ADAM9: variants seen among roughly 807,000 people sequenced by gnomAD.
ADAM9 encodes the protein ADAM metallopeptidase domain 9.
Under a neutral mutation model 108.1 loss-of-function variants are expected in ADAM9, and 54 were observed. The ratio of observed to expected loss-of-function variants is 0.50; its 90% CI spans 0.40 to 0.63. The LOEUF is 0.63. Among genes scored for constraint, ADAM9 ranks in the 20% least tolerant of loss-of-function variants. The pLI, the probability that ADAM9 is intolerant of heterozygous loss-of-function variation, is 0.00. For synonymous variants in ADAM9, 316 were observed against 336.0 expected (o/e 0.94, Z 0.65); for missense variants, 830 against 997.7 (o/e 0.83, Z 2.26).
chr8:39,091,028 A>G (rs1414292381), intron 19 of ADAM9, among the ~76,000 whole-genome samples: 3 of 152,214 alleles, frequency 2.0e-5, no homozygotes, highest in African/African-American at 7.2e-5. Flanking sequence ...ACAATTTCTT[A>G]AAATTTCAGT....
Position 39,042,084 on chromosome 8 carries a change from C to T in ADAM9, c.1269C>T (p.Asp423=), listed in dbSNP as rs149572348. ...SAPSCGNKLV[D]AGEECDCGTP... is the part of the protein sequence containing the mutation. ...CCTCCTGTGGTAATAAGTTGGTGGA[C>T]GCTGGGGAAGAGTGTGACTGTGGTA... The change falls in exon 12 of 22, where the codon GAC becomes GAT. Residue 423 remains aspartate (D), a synonymous_variant. Coordinates refer to ENST00000487273, the MANE Select transcript of ADAM9 (RefSeq NM_003816.3). 108 of 1,614,018 alleles carry T rather than the reference C, an allele frequency of 6.7e-5. No individual in the cohort carries two copies. In the African/African-American group the frequency reaches 7.2e-4, roughly 11 times the overall value.
At chr8:39,094,231 G>A (rs1320234159) in intron 20 of ADAM9, among the ~76,000 whole-genome samples, 2 of 152,138 alleles carry the variant, frequency 1.3e-5, no homozygotes, top group Non-Finnish European at 2.9e-5. Context: ...GTTATTTATT[G>A]ATTTGAATAT....
intron 14 of ADAM9, among the ~76,000 whole-genome samples, chr8:39,062,566 T>G (rs1476750026): frequency 6.6e-6 from 1 of 152,210 alleles, no homozygotes; most frequent in Non-Finnish European, 1.5e-5. Flanking sequence ...GACTCTGCTC[T>G]CCATTATGGT....
chr8:39,071,830 T>C (rs1270803238), intron 15 of ADAM9, among the ~76,000 whole-genome samples: 1 of 152,188 alleles, frequency 6.6e-6, no homozygotes, highest in Non-Finnish European at 1.5e-5. Context: ...ATACCTAACT[T>C]TTCAAACATT....
chr8:39,009,905 G>C (rs1353425400), intron 2 of ADAM9, among the ~76,000 whole-genome samples: 2 of 62,970 alleles, frequency 3.2e-5, no homozygotes. Flanking sequence ...TGGGGGGGGG[G>C]GGCAGGGAGA....
chr8:39,049,027 G>C (rs1345638002), intron 12 of ADAM9, among the ~76,000 whole-genome samples: 1 of 137,706 alleles, frequency 7.3e-6, no homozygotes, highest in Non-Finnish European at 1.5e-5. Context: ...TATCCATTCA[G>C]TATGCTATGT....
chr8:39,003,989 C>G (rs1315418588), intron 1 of ADAM9, among the ~76,000 whole-genome samples: 1 of 152,088 alleles, frequency 6.6e-6, no homozygotes, highest in African/African-American at 2.4e-5. Flanking sequence ...TGGCCTGAAA[C>G]TATAAGTAAA....
intron 5 of ADAM9, 53 bp downstream of exon 5, chr8:39,016,247 CT>C: frequency 1.4e-6 from 2 of 1,470,682 alleles, no homozygotes; most frequent in African/African-American, 2.8e-5. Flanking sequence ...GTCTTACCCT[CT>C]TTCCTGTTTC....
At chr8:39,056,994 A>T (rs1838144784) in intron 14 of ADAM9, among the ~76,000 whole-genome samples, 1 of 152,188 alleles carries the variant, frequency 6.6e-6, no homozygotes, top group Non-Finnish European at 1.5e-5. Flanking sequence ...TAAAATTATA[A>T]TGCTGTATTT....
At chr8:39,098,549 T>A (rs895169740) in intron 20 of ADAM9, among the ~76,000 whole-genome samples, 1 of 152,244 alleles carries the variant, frequency 6.6e-6, no homozygotes, top group African/African-American at 2.4e-5. Context: ...TCATTGAATA[T>A]CTCATTTCAC....
intron 15 of ADAM9, among the ~76,000 whole-genome samples, chr8:39,073,499 C>G (rs1317403323): frequency 1.3e-5 from 2 of 152,116 alleles, no homozygotes; most frequent in Admixed American, 1.3e-4. Flanking sequence ...TATCGCTGTT[C>G]CTCACTAAAC....
At chr8:39,047,693 A>G (rs551139599) in intron 12 of ADAM9, among the ~76,000 whole-genome samples, 1 of 152,160 alleles carries the variant, frequency 6.6e-6, no homozygotes, top group East Asian at 1.9e-4. Flanking sequence ...TAGTGTAGCT[A>G]AGATTGGTTA....
chr8:39,014,150 G>A (rs1836449966), intron 4 of ADAM9, 107 bp downstream of exon 4: 1 of 904,250 alleles, frequency 1.1e-6, no homozygotes, highest in South Asian at 1.3e-5. Context: ...GCCCCACAGG[G>A]TACCTTTAAC....
intron 20 of ADAM9, among the ~76,000 whole-genome samples, chr8:39,097,609 G>T (rs527331167): frequency 6.6e-6 from 1 of 152,114 alleles, no homozygotes; most frequent in African/African-American, 2.4e-5. Flanking sequence ...TTGGCCTGTT[G>T]TCTAGTATTT....
chr8:39,084,806 A>G (rs1319497891), intron 18 of ADAM9, among the ~76,000 whole-genome samples: 1 of 152,092 alleles, frequency 6.6e-6, no homozygotes, highest in Non-Finnish European at 1.5e-5. Flanking sequence ...TTCTTTGGCT[A>G]TAACTGCCAA....
rs1169253792 is a variant in ADAM9 at position 39,045,283 on chromosome 8, T to TATGTGTGTGTACACCTATAC, written c.1302+3215_1302+3234dup. On this transcript the variant is annotated intron_variant, in intron 12 of 21. Transcript: ENST00000487273. ...ATATATGTGTATACATACATATGTA[T>TATGTGTGTGTACACCTATAC]ATGTGTGTGTACACCTATACATGTG... is the stretch of plus-strand genomic sequence containing the variant. Among the ~76,000 whole-genome samples the TATGTGTGTGTACACCTATAC allele has an allele frequency of 2.3e-3, 234 of 100,172 alleles. 44 individuals are homozygous for TATGTGTGTGTACACCTATAC. Among genetic ancestry groups the TATGTGTGTGTACACCTATAC allele is most frequent in the Non-Finnish European group, 2.9e-3 (140 of 48,370 alleles). 65.7% of individuals were successfully genotyped at this position (100,172 alleles called of 152,430 possible). A position where few individuals can be genotyped will look rare whatever the true frequency, so the allele number is the denominator to read the frequency against.
intron 1 of ADAM9, among the ~76,000 whole-genome samples, chr8:39,001,671 G>GTT (rs1020330184): frequency 1.2e-4 from 17 of 144,574 alleles, no homozygotes; most frequent in Non-Finnish European, 1.5e-4. Context: ...TTTGAAGGTA[G>GTT]TTTTTTTTTT....
chr8:39,013,980 A>T lies in ADAM9; in HGVS notation c.270A>T (p.Glu90Asp). 1 of 1,613,524 alleles carries T rather than the reference A, an allele frequency of 6.2e-7. No individual in the cohort carries two copies. Among genetic ancestry groups the T allele is most frequent in the Non-Finnish European group, 8.5e-7 (1 of 1,179,586 alleles). Residue 90 changes from glutamate to aspartate, a missense_variant, in exon 4 of 22, where the codon GAA becomes GAT. This residue lies in a region of ADAM9 where 211 missense variants were observed against 222.2 expected (regional missense o/e 0.95). Transcript: ENST00000487273. ...TCTCTTCCAGAGACCTTTTGCCTGAAGATTTTGTGGTTTATACTTACAACA... is the reference window on the plus strand; with the variant it reads ...TCTCTTCCAGAGACCTTTTGCCTGATGATTTTGTGGTTTATACTTACAACA... ...HLERNKDLLP[E>D]DFVVYTYNKE...
intron 14 of ADAM9, among the ~76,000 whole-genome samples, chr8:39,060,663 A>G (rs946965128): frequency 2.0e-5 from 3 of 152,216 alleles, no homozygotes; most frequent in Non-Finnish European, 4.4e-5. Flanking sequence ...TGTCGTGCAA[A>G]TATCTTGCCA....
Sources: gnomAD v4.1 joint callset for allele counts (sites outside exome capture counted in the v4.1 genomes callset) on GRCh38, gnomAD v4.1.1 for gene constraint, gnomAD v4.1.1 regional missense constraint, MANE v1.5 for transcripts, NCBI Gene and HGNC (gene_info 2026-07-23, HGNC 2026-07-21) for gene names.